The following FAT1 variants were observed in gnomAD, a reference collection of about 807,000 sequenced individuals.
FAT1 encodes the protein protocadherin Fat 1.
Under a neutral mutation model 329.8 loss-of-function variants are expected in FAT1, and 171 were observed. The observed-to-expected ratio is 0.52, with a 90% confidence interval of 0.46 to 0.59. The LOEUF (loss-of-function observed/expected upper bound fraction) is 0.59, where lower values mean the gene tolerates loss of function less well. Ranked by LOEUF, FAT1 falls within the 20% of genes least tolerant of loss-of-function variation. FAT1 has a pLI of 0.00. For synonymous variants in FAT1, 2,233 were observed against 2,228.6 expected, an observed-to-expected ratio of 1.00 and a Z score of -0.06; for missense variants, 5,672 against 5,774.4, an observed-to-expected ratio of 0.98 and a Z score of 0.57.
intron 1 of FAT1, among the ~76,000 whole-genome samples, 170 bp from the exon 2 acceptor site, chr4:186,710,015 T>C (rs554356220): frequency 6.6e-5 from 10 of 152,370 alleles, no homozygotes; most frequent in African/African-American, 2.2e-4. Flanking sequence ...TCAACATTCT[T>C]GTAACATGTC....
chr4:186,640,879 G>A (rs1033030839), intron 3 of FAT1, among the ~76,000 whole-genome samples: 7 of 152,230 alleles, frequency 4.6e-5, no homozygotes, highest in Admixed American at 4.6e-4. Flanking sequence ...CATGCAGGAT[G>A]ATCTGCACCT....
At chr4:186,670,175 T>C (rs1368161277) in intron 2 of FAT1, among the ~76,000 whole-genome samples, 1 of 152,210 alleles carries the variant, frequency 6.6e-6, no homozygotes, top group Non-Finnish European at 1.5e-5. Context: ...AAAGCCTCGT[T>C]ACTTCTGACT....
At chr4:186,700,441 C>T (rs575504083) in intron 2 of FAT1, among the ~76,000 whole-genome samples, 13 of 152,292 alleles carry the variant, frequency 8.5e-5, no homozygotes, top group African/African-American at 2.9e-4. Flanking sequence ...ACTGCCACCG[C>T]GACGGAATTC....
chr4:186,646,004 C>CACACACACATAT (rs1491403367), intron 3 of FAT1, among the ~76,000 whole-genome samples: 1 of 134,984 alleles, frequency 7.4e-6, no homozygotes, highest in African/African-American at 2.8e-5. Context: ...CACACACACA[C>CACACACACATAT]ATGAAAGATG....
rs1739805465 is a variant in FAT1 at position 186,618,078 on chromosome 4, A to T, written c.8508T>A (p.Ala2836=). The part of the protein sequence containing the change: ...SRVIQIRASD[A]DSGTNGQVMY... ...TAACTTGGCCGTTGGTTCCTGAGTCAGCATCAGATGCCCTGATCTGAATTA... is the reference window on the plus strand; with the variant it reads ...TAACTTGGCCGTTGGTTCCTGAGTCTGCATCAGATGCCCTGATCTGAATTA... Residue 2836 remains alanine (A), a synonymous_variant, in exon 10 of 27, where the codon GCT becomes GCA. Transcript: ENST00000441802. 1 of 1,614,036 alleles carries T rather than the reference A, an allele frequency of 6.2e-7. No homozygotes were observed. The highest frequency in any genetic ancestry group is 1.3e-5 in the African/African-American group (1 of 75,066).
At chr4:186,643,518 TCTG>T (rs1280749463) in intron 3 of FAT1, among the ~76,000 whole-genome samples, 1 of 152,108 alleles carries the variant, frequency 6.6e-6, no homozygotes, top group African/African-American at 2.4e-5. Context: ...ATGCACCCCC[TCTG>T]CGAAAAATTA....
intron 16 of FAT1, among the ~76,000 whole-genome samples, chr4:186,608,539 C>T (rs1474633768): frequency 6.6e-6 from 1 of 152,134 alleles, no homozygotes; most frequent in African/African-American, 2.4e-5. Flanking sequence ...GGCCACCACA[C>T]CCGACATTTT....
intron 26 of FAT1, among the ~76,000 whole-genome samples, chr4:186,593,689 T>C (rs1028510408): frequency 6.6e-6 from 1 of 152,012 alleles, no homozygotes; most frequent in Non-Finnish European, 1.5e-5. Flanking sequence ...AGCCAAAGAA[T>C]GTGGGCAGCC....
chr4:186,681,136 T>C (rs1743188037), intron 2 of FAT1, among the ~76,000 whole-genome samples: 1 of 152,188 alleles, frequency 6.6e-6, no homozygotes, highest in Non-Finnish European at 1.5e-5. Flanking sequence ...TACTTCAAAG[T>C]ATTGGCCTTA....
At chr4:186,616,661 G>A (rs1257492042) in intron 11 of FAT1, among the ~76,000 whole-genome samples, 2 of 152,152 alleles carry the variant, frequency 1.3e-5, no homozygotes, top group Non-Finnish European at 2.9e-5. Context: ...GTGTCTCACG[G>A]CACGTCGGCA....
At chr4:186,654,418 G>C (rs1015084409) in intron 3 of FAT1, among the ~76,000 whole-genome samples, 2 of 152,254 alleles carry the variant, frequency 1.3e-5, no homozygotes, top group South Asian at 4.2e-4. Context: ...CAGAGAATGA[G>C]ACAGAAAGGG....
intron 9 of FAT1, 95 bp from the exon 10 acceptor site, chr4:186,621,870 A>T (rs1740067841): frequency 3.9e-6 from 3 of 765,602 alleles, no homozygotes; most frequent in Non-Finnish European, 5.9e-6. Flanking sequence ...CTTAAAAATT[A>T]TATTCTGAAA....
chr4:186,624,813 T>C (rs899963461), intron 9 of FAT1, among the ~76,000 whole-genome samples: 11 of 152,220 alleles, frequency 7.2e-5, no homozygotes, highest in African/African-American at 2.4e-4. Context: ...TGTATGAACA[T>C]TTTATAGTTC....
At chr4:186,681,211 C>T (rs1167806258) in intron 2 of FAT1, among the ~76,000 whole-genome samples, 1 of 152,130 alleles carries the variant, frequency 6.6e-6, no homozygotes, top group Non-Finnish European at 1.5e-5. Context: ...AAATGTGTGA[C>T]TTTGGCAATT....
intron 2 of FAT1, among the ~76,000 whole-genome samples, chr4:186,667,310 G>A (rs1217115733): frequency 6.6e-6 from 1 of 152,312 alleles, no homozygotes; most frequent in African/African-American, 2.4e-5. Flanking sequence ...ATGTCCATCA[G>A]GAGGGGATTG....
rs186368207 is a variant in FAT1, at chr4:186,653,815, C to G, written c.3580+9484G>C. Among the ~76,000 whole-genome samples the G allele has an allele frequency of 2.0e-3, 310 of 152,276 alleles. 3 individuals are homozygous for G. The highest frequency in any genetic ancestry group is 1.2e-3 in the East Asian group (6 of 5,180). Reference sequence around the variant, plus strand: ...ACAGTGACACGGCTGAGTGGTGTGACAGAGACTGTATGGCCCACAAACCCA... The same window carrying G: ...ACAGTGACACGGCTGAGTGGTGTGAGAGAGACTGTATGGCCCACAAACCCA... On this transcript the variant is annotated intron_variant, in intron 3 of 26. Coordinates refer to ENST00000441802, the MANE Select transcript of FAT1 (RefSeq NM_005245.4).
chr4:186,632,500 T>C (rs905357448), intron 7 of FAT1, among the ~76,000 whole-genome samples: 2 of 152,192 alleles, frequency 1.3e-5, no homozygotes, highest in Admixed American at 6.5e-5. Context: ...AGAAAATCAA[T>C]AGATTTTGCT....
intron 2 of FAT1, among the ~76,000 whole-genome samples, chr4:186,667,554 G>T (rs1240827412): frequency 6.6e-6 from 1 of 152,202 alleles, no homozygotes; most frequent in South Asian, 2.1e-4. Context: ...CTCTTTGTAA[G>T]ATAAAAAATC....
At position 186,628,133 on chromosome 4, in the gene FAT1, C is replaced by T. The variant is rs781509105; in HGVS notation, c.4810+21G>A. 3.1e-6 allele frequency: 5 copies of T among 1,609,360 alleles called. No homozygotes were observed. The Admixed American group carries it at 8.4e-5, about 27-fold the overall frequency. On this transcript the variant is annotated intron_variant, in intron 9 of 26. Coordinates refer to ENST00000441802, the MANE Select transcript of FAT1 (RefSeq NM_005245.4). ...TTTAACAACTGCAAATTTAAAATGCCACTGAAGGCTCCAAAAGTACCTGAC... is the reference window on the plus strand; with the variant it reads ...TTTAACAACTGCAAATTTAAAATGCTACTGAAGGCTCCAAAAGTACCTGAC...
Sources: allele counts gnomAD v4.1 joint callset (sites outside exome capture counted in the v4.1 genomes callset), GRCh38; gene constraint gnomAD v4.1.1; transcripts MANE v1.5; gene names NCBI Gene and HGNC (gene_info 2026-07-23, HGNC 2026-07-21).